The following GFPT2 variants were observed in gnomAD, a reference collection of about 807,000 sequenced individuals.
The protein encoded by GFPT2 is glutamine--fructose-6-phosphate aminotransferase [isomerizing] 2.
GFPT2 carries 62 observed loss-of-function variants against 85.6 expected under a neutral mutation model. The ratio of observed to expected loss-of-function variants is 0.72; its 90% confidence interval spans 0.59 to 0.90. GFPT2 has a LOEUF of 0.90. Among genes scored for constraint, GFPT2 ranks in the 40% least tolerant of loss-of-function variants. The pLI is 0.00. For synonymous variants in GFPT2, 368 were observed against 344.5 expected (o/e 1.07, Z -0.75); for missense variants, 788 against 893.4 (o/e 0.88, Z 1.50).
At chr5:180,317,770 A>C (rs1356153349) in intron 10 of GFPT2, among the ~76,000 whole-genome samples, 7 of 151,618 alleles carry the variant, frequency 4.6e-5, no homozygotes, top group African/African-American at 1.2e-4. Context: ...AAAAAAAAAA[A>C]AAAAAAACCT....
rs1247856382 is a variant in GFPT2 at position 180,326,182 on chromosome 5, T to C, written c.597-1287A>G. 2.6e-5 allele frequency among the ~76,000 whole-genome samples: 4 copies of C among 152,348 alleles called. No homozygotes were observed. In the East Asian group the frequency reaches 5.8e-4, roughly 22 times the overall value. On this transcript the variant is annotated intron_variant, in intron 7 of 18. Transcript: ENST00000253778. The stretch of plus-strand genomic sequence containing the variant: ...ATAAGAGGCTCACTCTGGTAACACA[T>C]GCGCTCTAAACCTGCGGTTCTTCAA...
Position 180,300,872 on chromosome 5 carries a change from G to T in GFPT2, c.*692C>A, listed in dbSNP as rs148228899. 2.0e-5 allele frequency: 3 copies of T among 152,662 alleles called. No homozygotes were observed. Among genetic ancestry groups the T allele is most frequent in the African/African-American group, 7.2e-5 (3 of 41,460 alleles). The allele number at this position is 152,662 out of a possible 1,614,324, so 9.5% of individuals were successfully genotyped here. The stretch of plus-strand genomic sequence containing the variant: ...ATGCTGCCAGGGCTTAAAAAGAGCC[G>T]TGATCAGATTAAACAGAAGTTGGAG... On this transcript the variant is annotated 3_prime_UTR_variant, in exon 19 of 19. Transcript: ENST00000253778.
intron 12 of GFPT2, 27 bp from the exon 13 acceptor site, chr5:180,316,488 C>T (rs375604907): frequency 5.0e-6 from 8 of 1,613,798 alleles, no homozygotes; most frequent in Non-Finnish European, 5.9e-6. Flanking sequence ...AGCATGGAGA[C>T]TAAAGTCAGT....
chr5:180,343,160 A>G (rs143453852), intron 1 of GFPT2, among the ~76,000 whole-genome samples: 2 of 152,350 alleles, frequency 1.3e-5, no homozygotes, highest in Non-Finnish European at 2.9e-5. Context: ...AAATGTACCC[A>G]TTGCCAACTC....
intron 1 of GFPT2, among the ~76,000 whole-genome samples, chr5:180,345,895 C>A (rs1286780793): frequency 3.3e-5 from 5 of 152,108 alleles, no homozygotes; most frequent in African/African-American, 4.8e-5. Flanking sequence ...AGTGCCAGAC[C>A]CTTACAATGG....
intron 1 of GFPT2, among the ~76,000 whole-genome samples, chr5:180,343,283 G>A (rs1300711370): frequency 6.6e-6 from 1 of 152,192 alleles, no homozygotes; most frequent in Non-Finnish European, 1.5e-5. Context: ...CACACGTCAG[G>A]CGAGAACGTT....
Position 180,304,914 on chromosome 5 carries a change from T to G in GFPT2, c.1700A>C (p.His567Pro). Residue 567 changes from histidine to proline, a missense_variant, in exon 17 of 19, where the codon CAC becomes CCC. Physicochemically the swap from His to Pro is moderately conservative, Grantham distance 77. Transcript: ENST00000253778. The stretch of plus-strand genomic sequence containing the variant: ...CTCCCCAGCCAGGATGCCTTCTGAG[T>G]GCATGTAGGTTATCTCTTTAATTTT... Reference protein sequence around the residue: ...ALKIKEITYMHSEGILAGELK... With the variant: ...ALKIKEITYMPSEGILAGELK... 1 of 1,611,902 alleles carries G rather than the reference T, an allele frequency of 6.2e-7. No individual in the cohort carries two copies. The highest frequency in any genetic ancestry group is 8.5e-7 in the Non-Finnish European group (1 of 1,178,230).
chr5:180,328,936 T>C lies in GFPT2; in HGVS notation c.535-598A>G, dbSNP rs186579353. On this transcript the variant is annotated intron_variant, in intron 6 of 18. Transcript: ENST00000253778. The surrounding 1 kb of genome is among the most constrained non-coding windows in gnomAD (Gnocchi z 5.4). ...CAGGTTGTCATGACCGTTACTGCTA[T>C]TATCCTTTCCATGGATACGACTGCC... is the stretch of plus-strand genomic sequence containing the variant. 3.9e-5 allele frequency among the ~76,000 whole-genome samples: 6 copies of C among 152,338 alleles called. No homozygotes were observed. Among genetic ancestry groups the C allele is most frequent in the Admixed American group, 3.3e-4 (5 of 15,306 alleles).
At position 180,336,477 on chromosome 5, in the gene GFPT2, A is replaced by C; in HGVS notation, c.214+2T>G. The stretch of plus-strand genomic sequence containing the variant: ...CCTCCCACTCAGAGGTCCTCCACTT[A>C]CTGTAAAGTTCTTCATCGAGAGCCT... On this transcript the variant is annotated splice_donor_variant, in intron 3 of 18. Coordinates refer to ENST00000253778, the MANE Select transcript of GFPT2 (RefSeq NM_005110.4). LOFTEE classifies it high-confidence loss of function. The C allele has an allele frequency of 6.5e-7, 1 of 1,543,130 alleles. No homozygotes were observed. Among genetic ancestry groups the C allele is most frequent in the Non-Finnish European group, 9.0e-7 (1 of 1,115,260 alleles).
intron 1 of GFPT2, among the ~76,000 whole-genome samples, chr5:180,351,081 C>G (rs900039893): frequency 6.6e-6 from 1 of 152,246 alleles, no homozygotes; most frequent in East Asian, 1.9e-4. Context: ...ATAATCACTA[C>G]TTTTTCTTCT....
chr5:180,304,466 C>A (rs62404922), intron 17 of GFPT2, among the ~76,000 whole-genome samples: 52,313 of 152,110 alleles, frequency 0.34, 9,719 homozygotes, highest in Non-Finnish European at 0.41. Context: ...GGCCGCAGAA[C>A]CTGGGGAAAC....
At chr5:180,304,995 C>A in intron 16 of GFPT2, 56 bp from the exon 17 acceptor site, 1 of 1,267,166 alleles carries the variant, frequency 7.9e-7, no homozygotes, top group Non-Finnish European at 1.1e-6. Context: ...TGGAGCAGAT[C>A]AGCCAGAGGG....
chr5:180,307,009 A>G (rs1459254781), intron 16 of GFPT2, among the ~76,000 whole-genome samples, 167 bp downstream of exon 16: 2 of 152,240 alleles, frequency 1.3e-5, no homozygotes, highest in East Asian at 1.9e-4. Flanking sequence ...GCCCAGGGCT[A>G]GAAACCTGGT....
At chr5:180,350,804 C>T (rs574648132) in intron 1 of GFPT2, among the ~76,000 whole-genome samples, 13 of 152,194 alleles carry the variant, frequency 8.5e-5, no homozygotes, top group South Asian at 4.1e-4. Flanking sequence ...CAACTACTGC[C>T]GAGTCCTGGC....
At chr5:180,341,010 G>A (rs1208210195) in intron 1 of GFPT2, among the ~76,000 whole-genome samples, 2 of 152,104 alleles carry the variant, frequency 1.3e-5, no homozygotes, top group African/African-American at 4.8e-5. Flanking sequence ...CCGGGCACTG[G>A]GCCACCAGTT....
chr5:180,341,132 G>A (rs1004919400), intron 1 of GFPT2, among the ~76,000 whole-genome samples: 1 of 152,168 alleles, frequency 6.6e-6, no homozygotes, highest in South Asian at 2.1e-4. Flanking sequence ...GAGCCAGAGT[G>A]GAACCAAGAA....
In GFPT2 at chr5:180,313,998, C is replaced by A. The variant is rs765278379; in HGVS notation, c.1274-34G>T. 5.1e-6 allele frequency: 8 copies of A among 1,554,704 alleles called. No homozygotes were observed. In the Admixed American group the frequency reaches 9.0e-5, roughly 17 times the overall value. Reference sequence around the variant, plus strand: ...CAGGGGCCCTCTCAGTGCCGCGCTCCGCCAGCCTCGGCCCCACCCCAAACC... The same window carrying A: ...CAGGGGCCCTCTCAGTGCCGCGCTCAGCCAGCCTCGGCCCCACCCCAAACC... On this transcript the variant is annotated intron_variant, in intron 13 of 18. Transcript: ENST00000253778.
rs1763701051 is a variant in GFPT2 at position 180,302,711 on chromosome 5, T to A, written c.1843-127A>T. 7.5e-6 allele frequency: 5 copies of A among 670,934 alleles called. 1 individual carries two copies. In the South Asian group the frequency reaches 1.2e-4, roughly 16 times the overall value. The allele number at this position is 670,934 out of a possible 1,614,324, so 41.6% of individuals were successfully genotyped here. ...TCCTCTTTTGCATTTGCTGGAGTCA[T>A]GGGTGAGGTGGTATGTGTGGGACAC... is the stretch of plus-strand genomic sequence containing the variant. On this transcript the variant is annotated intron_variant, in intron 17 of 18. Coordinates refer to ENST00000253778, the MANE Select transcript of GFPT2 (RefSeq NM_005110.4).
intron 1 of GFPT2, among the ~76,000 whole-genome samples, chr5:180,340,535 G>A (rs1233257867): frequency 5.6e-5 from 6 of 107,976 alleles, no homozygotes; most frequent in African/African-American, 1.9e-4. Context: ...TTTTTGAGAC[G>A]GAGTCTAGCT....
Sources: allele counts gnomAD v4.1 joint callset (sites outside exome capture counted in the v4.1 genomes callset), GRCh38; gene constraint gnomAD v4.1.1; non-coding constraint Gnocchi (gnomAD v3.1); transcripts MANE v1.5; gene names NCBI Gene and HGNC (gene_info 2026-07-23, HGNC 2026-07-21).